TCERG1: variants seen among roughly 807,000 people sequenced by gnomAD.
The protein encoded by TCERG1 is TATA box binding protein (TBP)-associated factor, RNA polymerase II, S, 150kD.
In TCERG1, 37 loss-of-function variants were observed where a neutral mutation model predicts 144.7. That is an observed-to-expected ratio of 0.26 (90% CI 0.20 to 0.34). The LOEUF (loss-of-function observed/expected upper bound fraction) is 0.34. TCERG1 is among the 10% of genes least tolerant of loss of function. TCERG1 has a pLI of 1.00. For synonymous variants in TCERG1, 492 were observed against 458.2 expected, an observed-to-expected ratio of 1.07 and a Z score of -0.94; for missense variants, 1,027 against 1,380.7, an observed-to-expected ratio of 0.74 and a Z score of 4.06.
intron 15 of TCERG1, among the ~76,000 whole-genome samples, chr5:146,484,186 G>A (rs578191025): frequency 2.0e-5 from 3 of 152,102 alleles, no homozygotes; most frequent in Admixed American, 6.5e-5. Context: ...CATCTAAGTA[G>A]CATCTGTTAA....
intron 1 of TCERG1, among the ~76,000 whole-genome samples, chr5:146,452,357 C>G (rs1313990062): frequency 1.3e-5 from 2 of 152,068 alleles, no homozygotes; most frequent in Non-Finnish European, 2.9e-5. Context: ...ATGATAGGTA[C>G]TCAGTAAATG....
rs1554104821 is a variant in TCERG1, at chr5:146,510,431, C to G, written c.3147-10C>G. Reference sequence around the variant, plus strand: ...GTCAGTAATTCTTGGACTTCTTTTTCTTATTTCAGATCCAAAAAATTAATC... The same window carrying G: ...GTCAGTAATTCTTGGACTTCTTTTTGTTATTTCAGATCCAAAAAATTAATC... On this transcript the variant is annotated splice_polypyrimidine_tract_variant and intron_variant, in intron 22 of 22. Coordinates refer to ENST00000679501, the MANE Select transcript of TCERG1 (RefSeq NM_001382548.1). 1.3e-6 allele frequency: 2 copies of G among 1,596,432 alleles called. No homozygotes were observed. Among genetic ancestry groups the G allele is most frequent in the Admixed American group, 3.4e-5 (2 of 59,378 alleles).
intron 9 of TCERG1, among the ~76,000 whole-genome samples, chr5:146,476,256 C>T (rs1481031017): frequency 6.6e-6 from 1 of 152,136 alleles, no homozygotes; most frequent in African/African-American, 2.4e-5. Flanking sequence ...CCATTACTTG[C>T]CATTTAGATC....
chr5:146,490,930 T>G (rs936103598), intron 15 of TCERG1, among the ~76,000 whole-genome samples: 1 of 152,108 alleles, frequency 6.6e-6, no homozygotes, highest in Non-Finnish European at 1.5e-5. Flanking sequence ...AGAGTTCTTT[T>G]ATGTTTTTTG....
chr5:146,464,286 A>G (rs1763586722), intron 5 of TCERG1, among the ~76,000 whole-genome samples: 1 of 152,190 alleles, frequency 6.6e-6, no homozygotes, highest in Admixed American at 6.5e-5. Flanking sequence ...ATAAGTGATG[A>G]TGTTGAGATT....
intron 9 of TCERG1, among the ~76,000 whole-genome samples, chr5:146,475,695 G>A (rs879567179): frequency 5.9e-5 from 9 of 152,124 alleles, no homozygotes; most frequent in East Asian, 3.9e-4. Context: ...CAAGCTTAGC[G>A]TTCCAATAAT....
intron 9 of TCERG1, among the ~76,000 whole-genome samples, chr5:146,477,692 CTTTT>C (rs1168989847): frequency 1.4e-4 from 11 of 79,372 alleles, no homozygotes; most frequent in African/African-American, 4.0e-4. Context: ...TGGTACTTTA[CTTTT>C]TTTTTTTTTT....
chr5:146,451,319 C>CTTTTTTTTTT (rs56346846), intron 1 of TCERG1, among the ~76,000 whole-genome samples: 2 of 138,892 alleles, frequency 1.4e-5, no homozygotes, highest in African/African-American at 5.3e-5. Flanking sequence ...ATCCATATTC[C>CTTTTTTTTTT]TTTTTTTTTT....
intron 22 of TCERG1, chr5:146,510,028 A>G (rs1768337916): frequency 1.6e-6 from 2 of 1,284,088 alleles, no homozygotes; most frequent in Non-Finnish European, 2.0e-6. Context: ...GGGCTTTTAA[A>G]TTAGATGTGA....
At chr5:146,450,588 A>T (rs1427155347) in intron 1 of TCERG1, among the ~76,000 whole-genome samples, 1 of 152,218 alleles carries the variant, frequency 6.6e-6, no homozygotes, top group Non-Finnish European at 1.5e-5. Context: ...GCACTATTCC[A>T]AGTACTTTAT....
At chr5:146,474,451 A>G (rs1262566520) in intron 9 of TCERG1, among the ~76,000 whole-genome samples, 1 of 152,200 alleles carries the variant, frequency 6.6e-6, no homozygotes, top group East Asian at 1.9e-4. Flanking sequence ...TTGTTGAAAT[A>G]ATAAGGGATT....
Position 146,478,478 on chromosome 5 carries a change from T to G in TCERG1, c.1602-15T>G. On this transcript the variant is annotated splice_polypyrimidine_tract_variant and intron_variant, in intron 9 of 22. Coordinates refer to ENST00000679501, the MANE Select transcript of TCERG1 (RefSeq NM_001382548.1). ...TCTGTAACATAAGAGAATGATATTT[T>G]GCATCAATTCTTAGGTGTGTCGTTT... 1 of 1,562,310 alleles carries G rather than the reference T, an allele frequency of 6.4e-7. No homozygotes were observed. Among genetic ancestry groups the G allele is most frequent in the East Asian group, 2.3e-5 (1 of 43,818 alleles).
rs11743333 is a variant in TCERG1, at chr5:146,458,877, G to A, written c.439-7G>A. ...TATGATACCATTGATTTTTGCTTCCGCTGCAGGTTTATTATTATAATGCTC... is the reference window on the plus strand; with the variant it reads ...TATGATACCATTGATTTTTGCTTCCACTGCAGGTTTATTATTATAATGCTC... On this transcript the variant is annotated splice_region_variant and splice_polypyrimidine_tract_variant and intron_variant, in intron 3 of 22. Coordinates refer to ENST00000679501, the MANE Select transcript of TCERG1 (RefSeq NM_001382548.1). The A allele has an allele frequency of 0.61, 972,282 of 1,583,146 alleles. 308,374 individuals are homozygous for A. Among genetic ancestry groups the A allele is most frequent in the Non-Finnish European group, 0.65 (755,978 of 1,163,432 alleles).
intron 16 of TCERG1, among the ~76,000 whole-genome samples, chr5:146,495,027 A>G (rs967224395): frequency 2.0e-5 from 3 of 152,200 alleles, no homozygotes; most frequent in Non-Finnish European, 2.9e-5. Context: ...TTTCTCATAA[A>G]AAGTGTCAGA....
intron 13 of TCERG1, chr5:146,482,022 A>T (rs938312222): frequency 6.6e-6 from 1 of 152,202 alleles, no homozygotes. Context: ...ATAAAAAGTC[A>T]GGTAGGTAAG....
At chr5:146,457,636 T>C (rs1174768769) in intron 3 of TCERG1, among the ~76,000 whole-genome samples, 1 of 152,232 alleles carries the variant, frequency 6.6e-6, no homozygotes, top group African/African-American at 2.4e-5. Flanking sequence ...TCAGCGTAGC[T>C]GGTTTAGGCA....
rs1768403012 is a variant in TCERG1, at chr5:146,510,844, C to G, written c.*202C>G. Reference sequence around the variant, plus strand: ...GTGTGGCATGACTGACATACATACTCAAATATAGGCTGTCTCTAGTAAATC... The same window carrying G: ...GTGTGGCATGACTGACATACATACTGAAATATAGGCTGTCTCTAGTAAATC... On this transcript the variant is annotated 3_prime_UTR_variant, in exon 23 of 23. Coordinates refer to ENST00000679501, the MANE Select transcript of TCERG1 (RefSeq NM_001382548.1). 6.9e-6 allele frequency: 3 copies of G among 434,164 alleles called. No homozygotes were observed. Among genetic ancestry groups the G allele is most frequent in the Middle Eastern group, 1.2e-3 (2 of 1,640 alleles). 26.9% of individuals were successfully genotyped at this position (434,164 alleles called of 1,614,324 possible). A position where few individuals can be genotyped will look rare whatever the true frequency, so the allele number is the denominator to read the frequency against.
chr5:146,482,991 A>G (rs533333959), intron 14 of TCERG1, among the ~76,000 whole-genome samples: 1 of 152,324 alleles, frequency 6.6e-6, no homozygotes, highest in Non-Finnish European at 1.5e-5. Flanking sequence ...ATATAAGACG[A>G]GTATTAACAT....
intron 15 of TCERG1, among the ~76,000 whole-genome samples, chr5:146,484,172 T>A (rs1312220368): frequency 2.0e-5 from 3 of 152,154 alleles, no homozygotes; most frequent in African/African-American, 7.2e-5. Context: ...ATATACAAAG[T>A]TCACATCTAA....
Sources: allele counts gnomAD v4.1 joint callset (sites outside exome capture counted in the v4.1 genomes callset), GRCh38; gene constraint gnomAD v4.1.1; transcripts MANE v1.5; gene names NCBI Gene and HGNC (gene_info 2026-07-23, HGNC 2026-07-21).